Variants in ASS1 observed in about 807,000 individuals in gnomAD.
The protein encoded by ASS1 is argininosuccinate synthase 1.
In ASS1, 58 loss-of-function variants were observed where a neutral mutation model predicts 60.5. The ratio of observed to expected loss-of-function variants is 0.96; its 90% CI spans 0.78 to 1.19. The LOEUF is 1.19. Ranked by LOEUF, ASS1 falls within the 50% of genes most tolerant of loss-of-function variation. The probability of loss-of-function intolerance (pLI) is 0.00; values close to 1 mark genes in which losing one functional copy is unlikely to be tolerated. For synonymous variants in ASS1, 200 were observed against 206.9 expected, an observed-to-expected ratio of 0.97 and a Z score of 0.29; for missense variants, 454 against 547.3, an observed-to-expected ratio of 0.83 and a Z score of 1.70.
In ASS1 at chr9:130,477,697, C is replaced by T. The variant is rs933576128; in HGVS notation, c.688+736C>T. On this transcript the variant is annotated intron_variant, in intron 9 of 14. Coordinates refer to ENST00000352480, the MANE Select transcript of ASS1 (RefSeq NM_054012.4). This position sits in a 1 kb window ranked among gnomAD's most constrained non-coding sequence, Gnocchi z 4.2. ...AGAGGGAGGGCTCAGAGGGCGGGCT[C>T]AGAGGGCCTGAAGGGGTACCTTTTC... is the stretch of plus-strand genomic sequence containing the variant. 6.6e-6 allele frequency among the ~76,000 whole-genome samples: 1 copy of T among 152,218 alleles called. No homozygotes were observed. Among genetic ancestry groups the T allele is most frequent in the African/African-American group, 2.4e-5 (1 of 41,450 alleles).
chr9:130,458,874 C>T (rs185230176), intron 4 of ASS1, among the ~76,000 whole-genome samples: 2 of 152,338 alleles, frequency 1.3e-5, no homozygotes, highest in African/African-American at 4.8e-5. Flanking sequence ...GGGACATTGT[C>T]CAAGGTCGCA....
chr9:130,497,918 C>G (rs1028721639), intron 13 of ASS1, among the ~76,000 whole-genome samples: 4 of 152,178 alleles, frequency 2.6e-5, no homozygotes, highest in South Asian at 2.1e-4. Flanking sequence ...AAAGGGGTGG[C>G]CAGCAAAAGT....
rs1588493635 is a variant in ASS1 at position 130,478,054 on chromosome 9, C to T, written c.688+1093C>T. 6.6e-6 allele frequency among the ~76,000 whole-genome samples: 1 copy of T among 152,216 alleles called. No individual in the cohort carries two copies. The highest frequency in any genetic ancestry group is 1.5e-5 in the Non-Finnish European group (1 of 68,040). On this transcript the variant is annotated intron_variant, in intron 9 of 14. Transcript: ENST00000352480. This position sits in a 1 kb window ranked among gnomAD's most constrained non-coding sequence, Gnocchi z 4.7. ...GGTGCACTCATCAAAAAACGGACCA[C>T]AGGCATGATGCTCACAGGTGCCCGG... is the stretch of plus-strand genomic sequence containing the variant.
At chr9:130,499,059 G>A (rs1215520972) in intron 13 of ASS1, among the ~76,000 whole-genome samples, 1 of 152,200 alleles carries the variant, frequency 6.6e-6, no homozygotes, top group Non-Finnish European at 1.5e-5. Context: ...CCTCCCTGCA[G>A]CTTGCGAAAT....
chr9:130,471,391 C>A (rs1845862402), intron 7 of ASS1, 94 bp from the exon 8 acceptor site: 1 of 1,499,178 alleles, frequency 6.7e-7, no homozygotes, highest in Non-Finnish European at 9.3e-7. Context: ...AAAGGCAGAC[C>A]AGGCTCATGG....
intron 8 of ASS1, among the ~76,000 whole-genome samples, chr9:130,474,307 T>G (rs1169649088): frequency 6.6e-6 from 1 of 152,184 alleles, no homozygotes; most frequent in African/African-American, 2.4e-5. Context: ...TGACTTCCGC[T>G]GCGGTCTGCA....
At chr9:130,496,911 C>T (rs1315030956) in intron 13 of ASS1, among the ~76,000 whole-genome samples, 2 of 152,254 alleles carry the variant, frequency 1.3e-5, no homozygotes, top group African/African-American at 2.4e-5. Context: ...AAGGCCAGCC[C>T]CTCCCTCCTG....
chr9:130,463,313 G>A (rs1041164199), intron 4 of ASS1, among the ~76,000 whole-genome samples: 7 of 152,236 alleles, frequency 4.6e-5, no homozygotes, highest in Non-Finnish European at 8.8e-5. Flanking sequence ...GGATGCCTGC[G>A]CTGACCCCGG....
chr9:130,466,883 A>T (rs11243414), intron 6 of ASS1, 84 bp downstream of exon 6: 9 of 1,490,508 alleles, frequency 6.0e-6, no homozygotes, highest in African/African-American at 2.8e-5. Context: ...TGTCTGAGCC[A>T]GTGGCCTAGG....
At chr9:130,466,824 C>T (rs1845754968) in intron 6 of ASS1, 25 bp downstream of exon 6, 1 of 1,609,936 alleles carries the variant, frequency 6.2e-7, no homozygotes, top group Admixed American at 1.7e-5. Context: ...CCCCACCACC[C>T]CCAACCTTTC....
At chr9:130,487,178 G>A (rs913485552) in intron 11 of ASS1, among the ~76,000 whole-genome samples, 7 of 152,184 alleles carry the variant, frequency 4.6e-5, no homozygotes, top group Non-Finnish European at 8.8e-5. Context: ...GGCTTCTGCC[G>A]CAGGCTGTTT....
At position 130,481,327 on chromosome 9, in the gene ASS1, C is replaced by T. The variant is rs146922662; in HGVS notation, c.838+878C>T. Among the ~76,000 whole-genome samples the T allele has an allele frequency of 3.2e-3, 494 of 152,122 alleles. 2 individuals carry two copies. Among genetic ancestry groups the T allele is most frequent in the African/African-American group, 0.012 (483 of 41,482 alleles). ...GAGCAAGGTTTCAGCAGTTGCAGCCCCTGAATTGGGCACCTGAATTTTTAT... is the reference window on the plus strand; with the variant it reads ...GAGCAAGGTTTCAGCAGTTGCAGCCTCTGAATTGGGCACCTGAATTTTTAT... On this transcript the variant is annotated intron_variant, in intron 11 of 14. Transcript: ENST00000352480.
chr9:130,483,157 C>T (rs910230820), intron 11 of ASS1, among the ~76,000 whole-genome samples: 6 of 152,038 alleles, frequency 3.9e-5, no homozygotes, highest in African/African-American at 1.4e-4. Flanking sequence ...TAAATTAGGG[C>T]ACTGTGGATT....
At chr9:130,495,225 G>C (rs185576665) in intron 13 of ASS1, among the ~76,000 whole-genome samples, 88 of 152,204 alleles carry the variant, frequency 5.8e-4, no homozygotes, top group African/African-American at 2.1e-3. Context: ...ACCATTACCA[G>C]AATGTAGAAT....
chr9:130,450,910 A>G (rs1845310555), intron 1 of ASS1, among the ~76,000 whole-genome samples: 1 of 152,232 alleles, frequency 6.6e-6, no homozygotes, highest in Admixed American at 6.5e-5. Flanking sequence ...GTTCCCAGGC[A>G]GAACAAACAT....
intron 1 of ASS1, 100 bp from the exon 2 acceptor site, chr9:130,452,124 G>C: frequency 1.0e-6 from 1 of 1,002,942 alleles, no homozygotes; most frequent in South Asian, 1.4e-5. Flanking sequence ...CAGGAGACAA[G>C]GCTGTCCAAG....
chr9:130,460,371 G>A (rs1845559698), intron 4 of ASS1, among the ~76,000 whole-genome samples: 1 of 152,236 alleles, frequency 6.6e-6, no homozygotes, highest in South Asian at 2.1e-4. Context: ...GGAGTTGGGT[G>A]CTTGCTGGCA....
intron 8 of ASS1, among the ~76,000 whole-genome samples, chr9:130,475,913 T>C (rs1448910746): frequency 6.6e-6 from 1 of 152,016 alleles, no homozygotes; most frequent in East Asian, 1.9e-4. Flanking sequence ...CATGCCGCCA[T>C]ACCCGGATAA....
chr9:130,472,331 G>A (rs967758595), intron 8 of ASS1, among the ~76,000 whole-genome samples: 4 of 152,020 alleles, frequency 2.6e-5, no homozygotes, highest in Admixed American at 6.5e-5. Flanking sequence ...CCAGAGCCCC[G>A]CCCAGGATCC....
Sources: allele counts gnomAD v4.1 joint callset (sites outside exome capture counted in the v4.1 genomes callset), GRCh38; gene constraint gnomAD v4.1.1; non-coding constraint Gnocchi (gnomAD v3.1); transcripts MANE v1.5; gene names NCBI Gene and HGNC (gene_info 2026-07-23, HGNC 2026-07-21).